SMIM14: variants seen among roughly 807,000 people sequenced by gnomAD.
The protein encoded by SMIM14 is chromosome 4 open reading frame 34.
SMIM14 carries 5 observed loss-of-function variants against 12.6 expected under a neutral mutation model. The ratio of observed to expected loss-of-function variants is 0.40; its 90% confidence interval spans 0.21 to 0.83. SMIM14 has a LOEUF of 0.83. Among genes scored for constraint, SMIM14 ranks in the 40% least tolerant of loss-of-function variants. SMIM14 has a pLI of 0.37. For missense variants in SMIM14, 86 were observed against 119.1 expected, an observed-to-expected ratio of 0.72 and a Z score of 1.29; for synonymous variants, 30 against 40.1, an observed-to-expected ratio of 0.75 and a Z score of 0.95.
Position 39,549,261 on chromosome 4 carries a change from A to C in SMIM14, c.*2865T>G, listed in dbSNP as rs1032451664. On this transcript the variant is annotated 3_prime_UTR_variant, in exon 5 of 5. Transcript: ENST00000295958. ...ACTAGACATTCTGTATCCAAGTTTC[A>C]GCCATTTCATCCAATAAAGCCTTCT... The C allele has an allele frequency of 3.0e-4, 46 of 152,166 alleles. 1 individual carries two copies. Among genetic ancestry groups the C allele is most frequent in the African/African-American group, 1.0e-3 (42 of 41,424 alleles). 9.4% of individuals were successfully genotyped at this position (152,166 alleles called of 1,614,324 possible).
At position 39,638,839 on chromosome 4, in the gene SMIM14, A is replaced by G. The variant is rs1716208557; in HGVS notation, c.-136T>C. 1 of 985,756 alleles carries G rather than the reference A, an allele frequency of 1.0e-6. No homozygotes were observed. The highest frequency in any genetic ancestry group is 1.2e-6 in the Non-Finnish European group (1 of 830,326). 61.1% of individuals were successfully genotyped at this position (985,756 alleles called of 1,614,324 possible). ...TTCCAGAAGGCTGCGGCTGCTCCGG[A>G]CGCTGCTGCCACTGCCGTTTCTGGC... On this transcript the variant is annotated 5_prime_UTR_variant, in exon 1 of 5. Coordinates refer to ENST00000295958, the MANE Select transcript of SMIM14 (RefSeq NM_174921.3).
In SMIM14 at chr4:39,551,273, TTTAA is replaced by T. The variant is rs1711689135; in HGVS notation, c.*849_*852del. 1 of 152,436 alleles carries T rather than the reference TTTAA, an allele frequency of 6.6e-6. No homozygotes were observed. Among genetic ancestry groups the T allele is most frequent in the African/African-American group, 2.4e-5 (1 of 41,440 alleles). 9.4% of individuals were successfully genotyped at this position (152,436 alleles called of 1,614,324 possible). A position where few individuals can be genotyped will look rare whatever the true frequency, so the allele number is the denominator to read the frequency against. ...AAGAAGCTTCCCAAGAGGCACTCAT[TTTAA>T]AAATAAATTATAGCTTAAATTATTA... On this transcript the variant is annotated 3_prime_UTR_variant, in exon 5 of 5. Coordinates refer to ENST00000295958, the MANE Select transcript of SMIM14 (RefSeq NM_174921.3).
chr4:39,595,524 T>C (rs558595637), intron 2 of SMIM14, among the ~76,000 whole-genome samples: 93 of 151,876 alleles, frequency 6.1e-4, no homozygotes, highest in African/African-American at 2.1e-3. Context: ...CTGCACATTG[T>C]GCACATGTAC....
intron 1 of SMIM14, among the ~76,000 whole-genome samples, chr4:39,628,900 T>G (rs916976629): frequency 6.7e-6 from 1 of 150,182 alleles, no homozygotes. Flanking sequence ...ACCCAGCTAG[T>G]TTTTATATGG....
chr4:39,576,803 C>T (rs1713223006), intron 2 of SMIM14, among the ~76,000 whole-genome samples: 1 of 141,718 alleles, frequency 7.1e-6, no homozygotes, highest in South Asian at 2.4e-4. Flanking sequence ...CCTCCGCCTC[C>T]TGGGTTCAAG....
At chr4:39,598,583 AGTT>A (rs1200192108) in intron 2 of SMIM14, among the ~76,000 whole-genome samples, 2 of 115,962 alleles carry the variant, frequency 1.7e-5, no homozygotes, top group Non-Finnish European at 3.9e-5. Flanking sequence ...TGTATCATAA[AGTT>A]GTTTAGTTCA....
At chr4:39,593,310 T>C (rs1714195527) in intron 2 of SMIM14, 1 of 152,184 alleles carries the variant, frequency 6.6e-6, no homozygotes, top group Non-Finnish European at 1.5e-5. Context: ...AACCACATGA[T>C]TATCTCAATA....
intron 1 of SMIM14, among the ~76,000 whole-genome samples, chr4:39,608,054 A>C (rs963703273): frequency 4.6e-5 from 7 of 152,172 alleles, no homozygotes; most frequent in Non-Finnish European, 8.8e-5. Flanking sequence ...CCCTCATACA[A>C]CCCTCATGTA....
At chr4:39,619,918 G>A (rs1342378491) in intron 1 of SMIM14, among the ~76,000 whole-genome samples, 6 of 141,224 alleles carry the variant, frequency 4.2e-5, no homozygotes, top group Non-Finnish European at 9.1e-5. Flanking sequence ...CACGCTCTGT[G>A]GCCCACGCTA....
intron 2 of SMIM14, among the ~76,000 whole-genome samples, chr4:39,581,871 T>C (rs896972756): frequency 6.9e-6 from 1 of 145,098 alleles, no homozygotes; most frequent in Non-Finnish European, 1.5e-5. Context: ...CAAATGTCTT[T>C]TCTTTTTTTT....
At chr4:39,555,188 A>C (rs116005875) in intron 4 of SMIM14, among the ~76,000 whole-genome samples, 1,873 of 151,880 alleles carry the variant, frequency 0.012, 43 homozygotes, top group African/African-American at 0.042. Flanking sequence ...TAAAAAAAAA[A>C]CATAAATACT....
At chr4:39,570,048 A>G (rs1712805345) in intron 3 of SMIM14, among the ~76,000 whole-genome samples, 1 of 152,210 alleles carries the variant, frequency 6.6e-6, no homozygotes, top group South Asian at 2.1e-4. Context: ...TGAAGATGCT[A>G]CATAAGCCAG....
In SMIM14 at chr4:39,572,574, A is replaced by G. The variant is rs1578322271; in HGVS notation, c.76-111T>C. ...TGCGGTGGCTCACGCCTGTAATCCCACACTTTGGAGGCTGAGGTGGGTGGA... is the reference window on the plus strand; with the variant it reads ...TGCGGTGGCTCACGCCTGTAATCCCGCACTTTGGAGGCTGAGGTGGGTGGA... On this transcript the variant is annotated intron_variant, in intron 2 of 4. Transcript: ENST00000295958. 3 of 834,966 alleles carry G rather than the reference A, an allele frequency of 3.6e-6. No individual in the cohort carries two copies. The East Asian group carries it at 8.0e-5, about 22-fold the overall frequency. 51.7% of individuals were successfully genotyped at this position (834,966 alleles called of 1,614,324 possible).
At chr4:39,632,940 T>C (rs1715966341) in intron 1 of SMIM14, among the ~76,000 whole-genome samples, 1 of 152,002 alleles carries the variant, frequency 6.6e-6, no homozygotes, top group African/African-American at 2.4e-5. Flanking sequence ...TCTAAGCATA[T>C]GCAAGTATGT....
chr4:39,626,021 C>G (rs552429251), intron 1 of SMIM14, among the ~76,000 whole-genome samples: 1 of 152,118 alleles, frequency 6.6e-6, no homozygotes. Flanking sequence ...AGGTGAGGTG[C>G]GGGCCAGCAA....
At chr4:39,631,161 G>A (rs989628041) in intron 1 of SMIM14, among the ~76,000 whole-genome samples, 9 of 151,704 alleles carry the variant, frequency 5.9e-5, no homozygotes, top group Non-Finnish European at 8.8e-5. Context: ...GTGAAACCCC[G>A]TCCCTATTAA....
At chr4:39,595,026 C>A (rs1714294224) in intron 2 of SMIM14, among the ~76,000 whole-genome samples, 2 of 147,742 alleles carry the variant, frequency 1.4e-5, no homozygotes, top group Non-Finnish European at 3.0e-5. Context: ...ACTAGAAATA[C>A]CATTTGACCC....
At chr4:39,576,658 G>GTATATATATATA (rs1390098435) in intron 2 of SMIM14, among the ~76,000 whole-genome samples, 1,539 of 40,314 alleles carry the variant, frequency 0.038, 245 homozygotes, top group Middle Eastern at 0.074. Flanking sequence ...GTGTGTGTAT[G>GTATATATATATA]TGTATATATA....
chr4:39,573,300 G>A (rs1033718357), intron 2 of SMIM14, among the ~76,000 whole-genome samples: 3 of 151,932 alleles, frequency 2.0e-5, no homozygotes, highest in Non-Finnish European at 4.4e-5. Context: ...CTTTCACCAT[G>A]TTGTCCAGGC....
Sources: gnomAD v4.1 joint callset for allele counts (sites outside exome capture counted in the v4.1 genomes callset) on GRCh38, gnomAD v4.1.1 for gene constraint, MANE v1.5 for transcripts, NCBI Gene and HGNC (gene_info 2026-07-23, HGNC 2026-07-21) for gene names.